Variants in NRG3 observed in about 807,000 individuals in gnomAD.
NRG3 encodes neuregulin 3, also known as pro-neuregulin-3, membrane-bound isoform.
NRG3 carries 31 observed loss-of-function variants against 66.9 expected under a neutral mutation model. That is an observed-to-expected ratio of 0.46 (90% CI 0.35 to 0.63). The LOEUF (loss-of-function observed/expected upper bound fraction) is 0.63. Ranked by LOEUF, NRG3 falls within the 20% of genes least tolerant of loss-of-function variation. The probability of loss-of-function intolerance (pLI) is 0.00; values close to 1 mark genes in which losing one functional copy is unlikely to be tolerated. For synonymous variants in NRG3, 393 were observed against 359.4 expected, an observed-to-expected ratio of 1.09 and a Z score of -1.06; for missense variants, 910 against 878.9, an observed-to-expected ratio of 1.04 and a Z score of -0.45.
At chr10:82,175,249 CT>C (rs936272490) in intron 1 of NRG3, among the ~76,000 whole-genome samples, 4 of 152,162 alleles carry the variant, frequency 2.6e-5, no homozygotes, top group African/African-American at 9.7e-5. Context: ...ATTTTGCCTC[CT>C]GTGATCAGCC....
At chr10:82,379,544 T>C (rs981524355) in intron 2 of NRG3, among the ~76,000 whole-genome samples, 2 of 152,060 alleles carry the variant, frequency 1.3e-5, no homozygotes, top group Non-Finnish European at 2.9e-5. Context: ...ATTATGAGGA[T>C]TAAATGAATT....
At position 82,508,238 on chromosome 10, in the gene NRG3, C is replaced by T. The variant is rs193071639; in HGVS notation, c.953+149370C>T. Among the ~76,000 whole-genome samples, 4 of 152,242 alleles carry T rather than the reference C, an allele frequency of 2.6e-5. No individual in the cohort carries two copies. In the East Asian group the frequency reaches 5.8e-4, roughly 22 times the overall value. ...ATGGAATGCATTGTTTTCATACATG[C>T]GTTTAGAACAGAAACTCAGATTGGC... On this transcript the variant is annotated intron_variant, in intron 2 of 8. Transcript: ENST00000372141.
At chr10:82,437,912 T>C (rs2090228986) in intron 2 of NRG3, among the ~76,000 whole-genome samples, 1 of 152,148 alleles carries the variant, frequency 6.6e-6, no homozygotes, top group Admixed American at 6.5e-5. Context: ...ACAGCAAAGA[T>C]GGGTACCTTT....
intron 1 of NRG3, among the ~76,000 whole-genome samples, chr10:82,049,766 A>AAG (rs2063501764): frequency 3.3e-5 from 5 of 151,970 alleles, no homozygotes; most frequent in African/African-American, 1.2e-4. Context: ...AATAGCTGCA[A>AAG]TAGATGGATA....
intron 1 of NRG3, among the ~76,000 whole-genome samples, chr10:81,907,702 T>C (rs1844727771): frequency 6.6e-6 from 1 of 152,158 alleles, no homozygotes; most frequent in Non-Finnish European, 1.5e-5. Context: ...TGACTATAAA[T>C]TTGGAGCTGG....
rs182273971 is a variant in NRG3 at position 82,202,462 on chromosome 10, G to C, written c.824-156277G>C. Among the ~76,000 whole-genome samples the C allele has an allele frequency of 2.5e-3, 381 of 152,272 alleles. 1 individual carries two copies. Among genetic ancestry groups the C allele is most frequent in the African/African-American group, 8.7e-3 (360 of 41,564 alleles). ...AAAGTCCAAAGCGTGCGTAAGAGTC[G>C]TTGCCACTTTTGAGAGAATAAGTCT... On this transcript the variant is annotated intron_variant, in intron 1 of 8. Coordinates refer to ENST00000372141, the MANE Select transcript of NRG3 (RefSeq NM_001010848.4).
chr10:82,373,009 T>C (rs893321194), intron 2 of NRG3, among the ~76,000 whole-genome samples: 1 of 152,208 alleles, frequency 6.6e-6, no homozygotes, highest in Non-Finnish European at 1.5e-5. Flanking sequence ...TAATGAAACT[T>C]TAGGGATACT....
intron 1 of NRG3, among the ~76,000 whole-genome samples, chr10:82,126,007 T>C (rs1307989236): frequency 6.6e-6 from 1 of 152,030 alleles, no homozygotes; most frequent in African/African-American, 2.4e-5. Flanking sequence ...GACCATGAAA[T>C]TTATTTTACA....
chr10:82,175,245 C>G (rs1420194712), intron 1 of NRG3, among the ~76,000 whole-genome samples: 1 of 152,144 alleles, frequency 6.6e-6, no homozygotes, highest in Non-Finnish European at 1.5e-5. Flanking sequence ...TGCAATTTTG[C>G]CTCCTGTGAT....
chr10:82,759,716 C>A (rs2059226219), intron 3 of NRG3, among the ~76,000 whole-genome samples: 1 of 152,140 alleles, frequency 6.6e-6, no homozygotes, highest in Non-Finnish European at 1.5e-5. Flanking sequence ...AGTAGCATAA[C>A]ACAAAAACAT....
At chr10:82,201,003 C>T (rs1465062484) in intron 1 of NRG3, among the ~76,000 whole-genome samples, 1 of 151,976 alleles carries the variant, frequency 6.6e-6, no homozygotes, top group Non-Finnish European at 1.5e-5. Flanking sequence ...AGAGACCAGC[C>T]TGGCCAACAT....
intron 2 of NRG3, among the ~76,000 whole-genome samples, chr10:82,394,584 A>G (rs1376648548): frequency 1.3e-5 from 2 of 152,202 alleles, no homozygotes; most frequent in African/African-American, 2.4e-5. Flanking sequence ...AGAGCTTCTG[A>G]AATGGCATTT....
At chr10:82,127,427 A>G (rs980048685) in intron 1 of NRG3, among the ~76,000 whole-genome samples, 1 of 152,110 alleles carries the variant, frequency 6.6e-6, no homozygotes, top group Non-Finnish European at 1.5e-5. Flanking sequence ...CATAATGTAC[A>G]GAGCTGATTT....
chr10:82,613,096 A>C (rs758442828), intron 2 of NRG3, among the ~76,000 whole-genome samples: 3 of 152,312 alleles, frequency 2.0e-5, no homozygotes, highest in Admixed American at 6.5e-5. Context: ...AGTAGATTAC[A>C]AAAAAGAAAA....
intron 3 of NRG3, among the ~76,000 whole-genome samples, chr10:82,844,926 C>T (rs755343628): frequency 6.6e-6 from 1 of 151,866 alleles, no homozygotes; most frequent in African/African-American, 2.4e-5. Flanking sequence ...AGGCTGAGGC[C>T]GGCGGATCAC....
At chr10:81,955,124 A>G (rs1849702071) in intron 1 of NRG3, among the ~76,000 whole-genome samples, 1 of 148,476 alleles carries the variant, frequency 6.7e-6, no homozygotes, top group Admixed American at 6.8e-5. Flanking sequence ...TTAGACATAT[A>G]CCTGTTATAT....
intron 2 of NRG3, among the ~76,000 whole-genome samples, chr10:82,626,295 T>C (rs1323125397): frequency 2.0e-5 from 3 of 152,126 alleles, no homozygotes; most frequent in Non-Finnish European, 2.9e-5. Context: ...AATGATGGCA[T>C]AGAAGAGAGA....
chr10:82,218,500 C>T (rs150942777), intron 1 of NRG3, among the ~76,000 whole-genome samples: 8 of 152,304 alleles, frequency 5.3e-5, no homozygotes, highest in South Asian at 2.1e-4. Context: ...GTGGAAAATA[C>T]AGCGTCTATA....
At chr10:82,563,883 A>T (rs1414160418) in intron 2 of NRG3, among the ~76,000 whole-genome samples, 2 of 152,106 alleles carry the variant, frequency 1.3e-5, no homozygotes, top group Non-Finnish European at 2.9e-5. Flanking sequence ...TTTTGAAAAT[A>T]TTTAATAACT....
Sources: allele counts gnomAD v4.1 joint callset (sites outside exome capture counted in the v4.1 genomes callset), GRCh38; gene constraint gnomAD v4.1.1; transcripts MANE v1.5; gene names NCBI Gene and HGNC (gene_info 2026-07-23, HGNC 2026-07-21).